WNK1: variants seen among roughly 807,000 people sequenced by gnomAD.
The protein encoded by WNK1 is WNK lysine deficient protein kinase 1, also known as serine/threonine-protein kinase WNK1.
Under a neutral mutation model 222.8 loss-of-function variants are expected in WNK1, and 38 were observed. The observed-to-expected ratio is 0.17, with a 90% CI of 0.13 to 0.22. WNK1 has a LOEUF of 0.22. Among genes scored for constraint, WNK1 ranks in the 10% least tolerant of loss-of-function variants. The probability of loss-of-function intolerance (pLI) is 1.00; values close to 1 mark genes in which losing one functional copy is unlikely to be tolerated. For missense variants in WNK1, 2,348 were observed against 2,918.4 expected, an observed-to-expected ratio of 0.80 and a Z score of 4.50; for synonymous variants, 1,090 against 1,092.9, an observed-to-expected ratio of 1.00 and a Z score of 0.05.
rs376486979 is a variant in WNK1, at chr12:848,017, A to T, written c.1312-9144A>T. Among the ~76,000 whole-genome samples, 11 of 152,170 alleles carry T rather than the reference A, an allele frequency of 7.2e-5. No homozygotes were observed. In the East Asian group the frequency reaches 1.5e-3, roughly 21 times the overall value. On this transcript the variant is annotated intron_variant, in intron 4 of 27. Coordinates refer to ENST00000315939, the MANE Select transcript of WNK1 (RefSeq NM_018979.4). The stretch of plus-strand genomic sequence containing the variant: ...GAGACGGGGTTTCACCATGTTGGCT[A>T]GGATGGTCTTTCTTGACCTCCTCGT...
chr12:778,668 A>G (rs1177862964), intron 1 of WNK1, among the ~76,000 whole-genome samples: 1 of 147,976 alleles, frequency 6.8e-6, no homozygotes, highest in Non-Finnish European at 1.5e-5. Flanking sequence ...AGTCATTCGT[A>G]GAAATTGGAA....
chr12:826,937 A>G (rs1948405395), intron 2 of WNK1, 105 bp from the exon 3 acceptor site: 2 of 865,056 alleles, frequency 2.3e-6, no homozygotes, highest in Non-Finnish European at 3.8e-6. Flanking sequence ...TTAGTATGCT[A>G]AATTTGATAT....
At chr12:834,972 A>T (rs556282991) in intron 4 of WNK1, among the ~76,000 whole-genome samples, 7 of 152,348 alleles carry the variant, frequency 4.6e-5, no homozygotes, top group African/African-American at 1.7e-4. Flanking sequence ...GTCTATGTGT[A>T]TGCAAGTGGA....
intron 8 of WNK1, chr12:865,339 G>GC: frequency 6.5e-7 from 1 of 1,536,146 alleles, no homozygotes; most frequent in Non-Finnish European, 8.7e-7. Flanking sequence ...CGACGCTCCA[G>GC]CCTGCCTTCC....
intron 1 of WNK1, among the ~76,000 whole-genome samples, chr12:760,933 C>T (rs1940935892): frequency 1.5e-5 from 2 of 136,304 alleles, no homozygotes; most frequent in African/African-American, 2.7e-5. Context: ...ACAACCACAC[C>T]CGGCTAATTT....
chr12:868,642 C>T (rs1410342642), intron 8 of WNK1: 1 of 1,614,018 alleles, frequency 6.2e-7, no homozygotes, highest in Non-Finnish European at 8.5e-7. Context: ...TTCATGTTCA[C>T]ACACCAAGCT....
intron 4 of WNK1, among the ~76,000 whole-genome samples, chr12:837,838 G>T (rs905578358): frequency 1.3e-5 from 2 of 152,124 alleles, no homozygotes; most frequent in Non-Finnish European, 2.9e-5. Flanking sequence ...ACATGATAAA[G>T]ATATTCTGCA....
intron 4 of WNK1, among the ~76,000 whole-genome samples, chr12:856,510 A>C (rs972742217): frequency 3.9e-5 from 6 of 152,110 alleles, no homozygotes; most frequent in African/African-American, 1.4e-4. Flanking sequence ...ATTTTAAACT[A>C]TTACTGTGAT....
intron 3 of WNK1, among the ~76,000 whole-genome samples, chr12:828,147 A>G (rs1379078752): frequency 6.6e-6 from 1 of 151,088 alleles, no homozygotes. Flanking sequence ...AAAATACAAA[A>G]AAAAAAAAAT....
At chr12:805,878 T>G (rs531667714) in intron 1 of WNK1, among the ~76,000 whole-genome samples, 1 of 152,276 alleles carries the variant, frequency 6.6e-6, no homozygotes, top group South Asian at 2.1e-4. Context: ...TTTTAATTAA[T>G]TGTCTAAGTT....
intron 9 of WNK1, among the ~76,000 whole-genome samples, chr12:873,364 A>G (rs757776875): frequency 2.0e-5 from 3 of 152,200 alleles, no homozygotes; most frequent in African/African-American, 4.8e-5. Context: ...TTAGGTAGCT[A>G]CCTCTCCAGG....
At position 778,133 on chromosome 12, in the gene WNK1, G is replaced by A. The variant is rs958351823; in HGVS notation, c.759+23809G>A. On this transcript the variant is annotated intron_variant, in intron 1 of 27. Coordinates refer to ENST00000315939, the MANE Select transcript of WNK1 (RefSeq NM_018979.4). ...TTTCACCTTTTTGCTTATAATTAGGGTTAAATTGTGCTTAAACTGTTTACT... is the reference window on the plus strand; with the variant it reads ...TTTCACCTTTTTGCTTATAATTAGGATTAAATTGTGCTTAAACTGTTTACT... 1.5e-4 allele frequency among the ~76,000 whole-genome samples: 23 copies of A among 152,024 alleles called. 1 individual carries two copies. The highest frequency in any genetic ancestry group is 1.3e-4 in the Admixed American group (2 of 15,252).
rs770261817 is a variant in WNK1, at chr12:857,264, T to C, written c.1400+15T>C. The C allele has an allele frequency of 2.2e-5, 35 of 1,610,214 alleles. No homozygotes were observed. In the Admixed American group the frequency reaches 5.7e-4, roughly 26 times the overall value. On this transcript the variant is annotated intron_variant, in intron 5 of 27. Transcript: ENST00000315939. ...AAAGATGAAAGGTAAGTTGCCTCTT[T>C]TGATCTGGGTGATACTTGAACAAAA...
intron 26 of WNK1, among the ~76,000 whole-genome samples, chr12:904,072 G>A (rs1012585455): frequency 1.3e-5 from 2 of 152,210 alleles, no homozygotes; most frequent in Non-Finnish European, 2.9e-5. Flanking sequence ...AGCCCAGCTG[G>A]AGAAACAGGA....
chr12:856,799 T>C (rs1565527384), intron 4 of WNK1, among the ~76,000 whole-genome samples: 2 of 152,238 alleles, frequency 1.3e-5, no homozygotes, highest in Non-Finnish European at 2.9e-5. Context: ...GCTGTATTGA[T>C]TTATGTGTTT....
intron 22 of WNK1, among the ~76,000 whole-genome samples, chr12:893,281 A>C (rs1423114134): frequency 6.6e-6 from 1 of 152,182 alleles, no homozygotes; most frequent in African/African-American, 2.4e-5. Context: ...AGAAATTCTG[A>C]ATAATTTAAA....
At chr12:812,081 C>T (rs2154007940) in intron 1 of WNK1, among the ~76,000 whole-genome samples, 1 of 152,220 alleles carries the variant, frequency 6.6e-6, no homozygotes, top group African/African-American at 2.4e-5. Flanking sequence ...TTTTTTCCCT[C>T]TATGCTTTGC....
intron 4 of WNK1, among the ~76,000 whole-genome samples, chr12:852,899 C>T (rs72648666): frequency 6.6e-6 from 1 of 152,140 alleles, no homozygotes; most frequent in African/African-American, 2.4e-5. Flanking sequence ...TCCATGTACA[C>T]ATTTACTTTT....
intron 1 of WNK1, among the ~76,000 whole-genome samples, chr12:761,093 G>T (rs1241453772): frequency 6.8e-6 from 1 of 147,078 alleles, no homozygotes; most frequent in Admixed American, 6.8e-5. Context: ...TCTATATGTA[G>T]TTTTTAAAAG....
Sources: gnomAD v4.1 joint callset for allele counts (sites outside exome capture counted in the v4.1 genomes callset) on GRCh38, gnomAD v4.1.1 for gene constraint, MANE v1.5 for transcripts, NCBI Gene and HGNC (gene_info 2026-07-23, HGNC 2026-07-21) for gene names.